TMTC2: variants seen among roughly 807,000 people sequenced by gnomAD.
TMTC2 encodes protein O-mannosyl-transferase TMTC2.
A neutral mutation model predicts 82.4 loss-of-function variants in TMTC2; 43 were observed. The observed-to-expected ratio is 0.52, with a 90% CI of 0.41 to 0.67. TMTC2 has a LOEUF of 0.67. Ranked by LOEUF, TMTC2 falls within the 30% of genes least tolerant of loss-of-function variation. TMTC2 has a pLI of 0.00. For missense variants in TMTC2, 919 were observed against 1,012.4 expected, an observed-to-expected ratio of 0.91 and a Z score of 1.25; for synonymous variants, 408 against 381.9, an observed-to-expected ratio of 1.07 and a Z score of -0.80.
chr12:83,062,039 T>C (rs1164543885), intron 11 of TMTC2, among the ~76,000 whole-genome samples: 1 of 151,808 alleles, frequency 6.6e-6, no homozygotes, highest in Non-Finnish European at 1.5e-5. Context: ...AGCTTCTTTT[T>C]CTAGAGGTAG....
intron 2 of TMTC2, among the ~76,000 whole-genome samples, chr12:82,894,698 G>C (rs1873568535): frequency 6.6e-6 from 1 of 152,140 alleles, no homozygotes; most frequent in Admixed American, 6.6e-5. Flanking sequence ...GGGGGAGAAG[G>C]ACTTTGCCAG....
chr12:82,896,538 A>G lies in TMTC2; in HGVS notation c.1375A>G (p.Thr459Ala), dbSNP rs1011266798. The G allele has an allele frequency of 6.2e-7, 1 of 1,614,192 alleles. No homozygotes were observed. Among genetic ancestry groups the G allele is most frequent in the Non-Finnish European group, 8.5e-7 (1 of 1,180,036 alleles). Residue 459 changes from threonine (T) to alanine (A), a missense_variant, in exon 3 of 12, where the codon ACA becomes GCA. Transcript: ENST00000321196. Reference sequence around the variant, plus strand: ...CCTCAAGAGCTTGATTTTTTATGCTACAGCTACACTAATTGTTTTTTATGG... The same window carrying G: ...CCTCAAGAGCTTGATTTTTTATGCTGCAGCTACACTAATTGTTTTTTATGG... ...RFLKSLIFYA[T>A]ATLIVFYGLK...
chr12:82,949,629 C>A (rs1269985698), intron 4 of TMTC2, among the ~76,000 whole-genome samples: 1 of 152,118 alleles, frequency 6.6e-6, no homozygotes, highest in African/African-American at 2.4e-5. Flanking sequence ...ATTATTTAAT[C>A]CTTATTCTTC....
chr12:82,697,814 A>G (rs142875896), intron 1 of TMTC2, among the ~76,000 whole-genome samples: 101 of 152,300 alleles, frequency 6.6e-4, no homozygotes, highest in African/African-American at 2.2e-3. Flanking sequence ...TGATGCCTAA[A>G]TGGAGTCTCT....
At chr12:83,017,554 A>G (rs1431928280) in intron 8 of TMTC2, among the ~76,000 whole-genome samples, 3 of 152,172 alleles carry the variant, frequency 2.0e-5, no homozygotes, top group Non-Finnish European at 2.9e-5. Flanking sequence ...ATTCATTAGT[A>G]CAGAATGTGA....
intron 3 of TMTC2, among the ~76,000 whole-genome samples, chr12:82,905,661 T>C (rs992981727): frequency 1.3e-5 from 2 of 152,094 alleles, no homozygotes; most frequent in Non-Finnish European, 2.9e-5. Flanking sequence ...AAAAACACAG[T>C]TGGCCAGGCG....
intron 7 of TMTC2, among the ~76,000 whole-genome samples, chr12:82,979,435 A>G (rs1878824225): frequency 1.3e-5 from 2 of 151,772 alleles, no homozygotes; most frequent in Non-Finnish European, 1.5e-5. Context: ...AGAGAAAAAG[A>G]TTAATAAACA....
intron 1 of TMTC2, among the ~76,000 whole-genome samples, chr12:82,789,580 G>T (rs1340157321): frequency 2.7e-4 from 41 of 152,036 alleles, no homozygotes; most frequent in Non-Finnish European, 1.5e-5. Flanking sequence ...ACTAAGCCAG[G>T]CTCTCTACTG....
At chr12:83,045,965 A>T (rs775864453) in intron 9 of TMTC2, among the ~76,000 whole-genome samples, 56 of 151,758 alleles carry the variant, frequency 3.7e-4, no homozygotes, top group Non-Finnish European at 7.8e-4. Flanking sequence ...AGCCTATAAA[A>T]CCCCAAGTCA....
Position 82,719,981 on chromosome 12 carries a change from G to A in TMTC2, c.83+32312G>A, listed in dbSNP as rs139334216. Among the ~76,000 whole-genome samples the A allele has an allele frequency of 3.6e-3, 549 of 151,918 alleles. 16 individuals are homozygous for A. The highest frequency in any genetic ancestry group is 0.033 in the Admixed American group (499 of 15,266). On this transcript the variant is annotated intron_variant, in intron 1 of 11. Coordinates refer to ENST00000321196, the MANE Select transcript of TMTC2 (RefSeq NM_152588.3). ...TTGCAATTAAAGTGATGCCAATTTT[G>A]AAGTGCAATTATTCATTTAACTGAT...
At chr12:82,930,976 A>G (rs1875996671) in intron 4 of TMTC2, among the ~76,000 whole-genome samples, 1 of 152,138 alleles carries the variant, frequency 6.6e-6, no homozygotes, top group Non-Finnish European at 1.5e-5. Flanking sequence ...AGACGCTGTC[A>G]TAGCTTGCTG....
intron 9 of TMTC2, among the ~76,000 whole-genome samples, chr12:83,038,079 T>C (rs1045520964): frequency 2.2e-5 from 3 of 135,090 alleles, no homozygotes; most frequent in African/African-American, 8.5e-5. Flanking sequence ...TAGGTAGGAA[T>C]TGAACAATGA....
intron 8 of TMTC2, among the ~76,000 whole-genome samples, chr12:82,987,234 G>A (rs936045692): frequency 1.3e-5 from 2 of 151,800 alleles, no homozygotes; most frequent in African/African-American, 2.4e-5. Flanking sequence ...GACCAGCCTG[G>A]CCAACACGGC....
intron 7 of TMTC2, among the ~76,000 whole-genome samples, chr12:82,968,027 T>C (rs1423284325): frequency 6.6e-6 from 1 of 152,072 alleles, no homozygotes; most frequent in Non-Finnish European, 1.5e-5. Context: ...ACACTCACGT[T>C]CTCTTTTTTA....
At chr12:82,871,341 G>A (rs1218509507) in intron 2 of TMTC2, among the ~76,000 whole-genome samples, 2 of 150,616 alleles carry the variant, frequency 1.3e-5, no homozygotes, top group African/African-American at 5.0e-5. Flanking sequence ...AAAGATCCAA[G>A]TAGTATTACA....
At chr12:82,936,354 T>C (rs148699891) in intron 4 of TMTC2, among the ~76,000 whole-genome samples, 3 of 151,986 alleles carry the variant, frequency 2.0e-5, no homozygotes, top group Admixed American at 1.3e-4. Context: ...TAAAACTGAT[T>C]GCAATGTATC....
intron 2 of TMTC2, among the ~76,000 whole-genome samples, chr12:82,865,455 A>C (rs938989332): frequency 3.9e-5 from 6 of 152,226 alleles, no homozygotes; most frequent in Admixed American, 1.3e-4. Context: ...CAACAAGAAG[A>C]GCTAACTATC....
intron 1 of TMTC2, among the ~76,000 whole-genome samples, chr12:82,855,016 C>G (rs542826025): frequency 6.6e-6 from 1 of 152,318 alleles, no homozygotes; most frequent in African/African-American, 2.4e-5. Flanking sequence ...GTGTCCAGAA[C>G]ACTCATGTAT....
At chr12:82,776,342 G>A (rs750660027) in intron 1 of TMTC2, among the ~76,000 whole-genome samples, 6 of 152,074 alleles carry the variant, frequency 3.9e-5, no homozygotes, top group Non-Finnish European at 5.9e-5. Context: ...CCCAGGGAAT[G>A]GCAGACAAAC....
Sources: allele counts gnomAD v4.1 joint callset (sites outside exome capture counted in the v4.1 genomes callset), GRCh38; gene constraint gnomAD v4.1.1; transcripts MANE v1.5; gene names NCBI Gene and HGNC (gene_info 2026-07-23, HGNC 2026-07-21).